The following WDR17 variants were observed in gnomAD, a reference collection of about 807,000 sequenced individuals.
The protein encoded by WDR17 is WD repeat-containing protein 17.
WDR17 carries 143 observed loss-of-function variants against 161.7 expected under a neutral mutation model. The ratio of observed to expected loss-of-function variants is 0.88; its 90% confidence interval spans 0.77 to 1.02. The LOEUF is 1.02. Ranked by LOEUF, WDR17 falls within the 50% of genes least tolerant of loss-of-function variation. The pLI is 0.00. For missense variants in WDR17, 1,469 were observed against 1,520.9 expected, an observed-to-expected ratio of 0.97 and a Z score of 0.57; for synonymous variants, 517 against 515.6, an observed-to-expected ratio of 1.00 and a Z score of -0.04.
intron 23 of WDR17, among the ~76,000 whole-genome samples, chr4:176,170,233 G>A (rs959987874): frequency 6.6e-5 from 10 of 151,422 alleles, no homozygotes; most frequent in Admixed American, 4.6e-4. Context: ...ACTAGTAATA[G>A]GAAAAATTTA....
At chr4:176,166,179 T>A in intron 22 of WDR17, 1 of 712,900 alleles carries the variant, frequency 1.4e-6, no homozygotes, top group South Asian at 2.2e-5. Context: ...CACATTCCTT[T>A]AAAATGTATA....
intron 1 of WDR17, chr4:176,068,314 G>A (rs1451133819): frequency 6.6e-6 from 1 of 152,098 alleles, no homozygotes; most frequent in East Asian, 1.9e-4. Context: ...ATCATATGAG[G>A]ATAGGCTGCG....
At chr4:176,113,536 T>C (rs536229353) in intron 2 of WDR17, among the ~76,000 whole-genome samples, 6 of 152,150 alleles carry the variant, frequency 3.9e-5, no homozygotes, top group Admixed American at 3.3e-4. Context: ...CATTACAATG[T>C]CCACTATAAA....
At chr4:176,132,699 G>A (rs1303333706) in intron 7 of WDR17, among the ~76,000 whole-genome samples, 2 of 151,784 alleles carry the variant, frequency 1.3e-5, no homozygotes, top group Non-Finnish European at 2.9e-5. Flanking sequence ...ATTTGAAGAT[G>A]ATTTAATTTT....
At chr4:176,089,549 G>T (rs1383432547) in intron 1 of WDR17, among the ~76,000 whole-genome samples, 2 of 152,024 alleles carry the variant, frequency 1.3e-5, no homozygotes, top group Admixed American at 1.3e-4. Flanking sequence ...GCCAAGTGTT[G>T]TATGTATGAG....
intron 3 of WDR17, among the ~76,000 whole-genome samples, chr4:176,119,004 T>G (rs1349780976): frequency 6.6e-6 from 1 of 151,924 alleles, no homozygotes; most frequent in Non-Finnish European, 1.5e-5. Flanking sequence ...AATAAATTCC[T>G]TGGCTCAAAC....
chr4:176,125,398 T>A (rs758331362), intron 5 of WDR17, 43 bp downstream of exon 5: 2 of 1,574,730 alleles, frequency 1.3e-6, no homozygotes, highest in East Asian at 4.5e-5. Flanking sequence ...TACGTGTATA[T>A]ATTCTTTCGT....
intron 1 of WDR17, among the ~76,000 whole-genome samples, chr4:176,088,309 G>A (rs1226881260): frequency 6.6e-6 from 1 of 152,034 alleles, no homozygotes; most frequent in African/African-American, 2.4e-5. Context: ...CAGCCAGGAG[G>A]GTACTGTGAT....
intron 17 of WDR17, 40 bp downstream of exon 17, chr4:176,152,007 G>A: frequency 6.3e-7 from 1 of 1,581,180 alleles, no homozygotes; most frequent in South Asian, 1.2e-5. Flanking sequence ...GTTTAACATA[G>A]TAGTCTAAAC....
intron 4 of WDR17, among the ~76,000 whole-genome samples, 191 bp downstream of exon 4, chr4:176,120,288 T>TTATATATATATATATATATA (rs33940735): frequency 8.4e-4 from 114 of 136,488 alleles, no homozygotes; most frequent in Middle Eastern, 3.9e-3. Flanking sequence ...ATTTGAAGTT[T>TTATATATATATATATATATA]TATATATATA....
intron 11 of WDR17, among the ~76,000 whole-genome samples, chr4:176,144,879 C>CAT (rs1376309603): frequency 6.6e-6 from 1 of 151,712 alleles, no homozygotes; most frequent in East Asian, 1.9e-4. Flanking sequence ...TCTGTATATA[C>CAT]ATATATATAA....
intron 5 of WDR17, 66 bp downstream of exon 5, chr4:176,125,421 A>G: frequency 6.5e-7 from 1 of 1,546,664 alleles, no homozygotes; most frequent in Non-Finnish European, 8.7e-7. Flanking sequence ...AATTTAGGAA[A>G]TTGTCCTTTA....
At chr4:176,146,424 A>T (rs1465281729) in intron 12 of WDR17, among the ~76,000 whole-genome samples, 6 of 152,256 alleles carry the variant, frequency 3.9e-5, no homozygotes, top group Admixed American at 2.6e-4. Context: ...TTTGGCATAA[A>T]TCCAAATTTA....
intron 3 of WDR17, among the ~76,000 whole-genome samples, chr4:176,119,097 T>G (rs1021161321): frequency 6.6e-6 from 1 of 152,104 alleles, no homozygotes; most frequent in African/African-American, 2.4e-5. Context: ...ATGTGCAATC[T>G]CTCTCTCATA....
intron 1 of WDR17, among the ~76,000 whole-genome samples, chr4:176,084,994 T>C (rs1735247964): frequency 1.3e-5 from 2 of 151,726 alleles, no homozygotes; most frequent in Admixed American, 6.6e-5. Flanking sequence ...CCTGTTTTAA[T>C]TATAATAGCT....
In WDR17 at chr4:176,162,287, C is replaced by A. The variant is rs890889093; in HGVS notation, c.2850+113C>A. The A allele has an allele frequency of 1.5e-5, 13 of 860,028 alleles. No homozygotes were observed. In the Middle Eastern group the frequency reaches 1.1e-3, roughly 74 times the overall value. 53.3% of individuals were successfully genotyped at this position (860,028 alleles called of 1,614,324 possible). ...TGTGAGATCTGGTTTTGCATGTCTT[C>A]GAAGCCTGAGTAATTAAGTAATTAC... On this transcript the variant is annotated intron_variant, in intron 21 of 28. Coordinates refer to ENST00000508596, the MANE Select transcript of WDR17 (RefSeq NM_181265.4).
intron 1 of WDR17, among the ~76,000 whole-genome samples, chr4:176,080,418 A>C (rs1222476208): frequency 6.6e-6 from 1 of 151,928 alleles, no homozygotes; most frequent in East Asian, 1.9e-4. Flanking sequence ...AAGTTCAGGG[A>C]GATGATGAGG....
chr4:176,068,450 A>G (rs1394723012), intron 1 of WDR17: 1 of 152,138 alleles, frequency 6.6e-6, no homozygotes, highest in Non-Finnish European at 1.5e-5. Flanking sequence ...TAATACAAAA[A>G]TTAGCTGGGC....
chr4:176,086,785 T>C (rs992725947), intron 1 of WDR17, among the ~76,000 whole-genome samples: 2 of 151,754 alleles, frequency 1.3e-5, no homozygotes, highest in African/African-American at 2.4e-5. Context: ...GTAACTGTTA[T>C]AATTTTATTT....
Sources: allele counts gnomAD v4.1 joint callset (sites outside exome capture counted in the v4.1 genomes callset), GRCh38; gene constraint gnomAD v4.1.1; transcripts MANE v1.5; gene names NCBI Gene and HGNC (gene_info 2026-07-23, HGNC 2026-07-21).